The following DPP6 variants were observed in gnomAD, a reference collection of about 807,000 sequenced individuals.
DPP6 encodes the protein A-type potassium channel modulatory protein DPP6.
DPP6 carries 69 observed loss-of-function variants against 122.6 expected under a neutral mutation model. The ratio of observed to expected loss-of-function variants is 0.56; its 90% CI spans 0.46 to 0.69. The LOEUF is 0.69. Ranked by LOEUF, DPP6 falls within the 30% of genes least tolerant of loss-of-function variation. The probability of loss-of-function intolerance (pLI) is 0.00; values close to 1 mark genes in which losing one functional copy is unlikely to be tolerated. For missense variants in DPP6, 928 were observed against 1,116.9 expected, an observed-to-expected ratio of 0.83 and a Z score of 2.41; for synonymous variants, 418 against 433.1, an observed-to-expected ratio of 0.97 and a Z score of 0.43.
chr7:154,631,323 C>T (rs1835394853), intron 5 of DPP6, among the ~76,000 whole-genome samples: 1 of 152,242 alleles, frequency 6.6e-6, no homozygotes, highest in African/African-American at 2.4e-5. Flanking sequence ...GAAAGGGGAA[C>T]AGCTCCTGTT....
At chr7:153,969,014 T>C (rs1362091184) in intron 1 of DPP6, among the ~76,000 whole-genome samples, 1 of 151,368 alleles carries the variant, frequency 6.6e-6, no homozygotes, top group Admixed American at 6.6e-5. Context: ...TGGTGGACAT[T>C]GGGGTTCTTT....
At chr7:154,045,297 T>C (rs1799966227) in intron 1 of DPP6, among the ~76,000 whole-genome samples, 1 of 152,248 alleles carries the variant, frequency 6.6e-6, no homozygotes, top group Non-Finnish European at 1.5e-5. Context: ...TCCAATCCTT[T>C]AAATGTATAA....
chr7:153,860,695 C>G, the DPP6 span, among the ~76,000 whole-genome samples: 1 of 152,052 alleles, frequency 6.6e-6, no homozygotes, highest in Non-Finnish European at 1.5e-5. Flanking sequence ...TCCTTCACTT[C>G]CCAGTGTGAG....
rs1335297691 is a variant in DPP6 at position 154,254,588 on chromosome 7, T to C, written c.244-191626T>C. Among the ~76,000 whole-genome samples, 3 of 152,040 alleles carry C rather than the reference T, an allele frequency of 2.0e-5. No individual in the cohort carries two copies. In the East Asian group the frequency reaches 5.8e-4, roughly 30 times the overall value. ...GCCTCCTTGGGCTATTTTGTGTATG[T>C]AGTGGGGTGGGCAGTGGGCTTGGTT... On this transcript the variant is annotated intron_variant, in intron 1 of 25. Transcript: ENST00000377770.
At chr7:154,062,529 C>T (rs1224632248) in intron 1 of DPP6, among the ~76,000 whole-genome samples, 8 of 18,994 alleles carry the variant, frequency 4.2e-4, no homozygotes, top group Admixed American at 1.4e-3. Flanking sequence ...AGAGCTATCC[C>T]CTCTTCCGCC....
At chr7:153,928,831 A>T (rs1268852805) in intron 1 of DPP6, among the ~76,000 whole-genome samples, 2 of 152,102 alleles carry the variant, frequency 1.3e-5, no homozygotes, top group Non-Finnish European at 2.9e-5. Context: ...TTCAAAACCT[A>T]ATTAGAAGGG....
chr7:153,916,387 C>T (rs1800319565), intron 1 of DPP6, among the ~76,000 whole-genome samples: 2 of 136,268 alleles, frequency 1.5e-5, no homozygotes, highest in Admixed American at 7.4e-5. Context: ...CCCTCTCCTC[C>T]CCTCCCCTCT....
the DPP6 span, among the ~76,000 whole-genome samples, chr7:153,863,399 A>AAAC: frequency 1.1e-4 from 17 of 152,214 alleles, 1 homozygote; most frequent in Admixed American, 9.8e-4. Flanking sequence ...GACTTGTAGT[A>AAAC]AACAACAACA....
At position 154,453,591 on chromosome 7, in the gene DPP6, T is replaced by G. The variant is rs527852469; in HGVS notation, c.358+7263T>G. Reference sequence around the variant, plus strand: ...AATATAAACACATGTGAGTAAGCTATTGTTGAATTTTGATGAATTTTAAAA... The same window carrying G: ...AATATAAACACATGTGAGTAAGCTAGTGTTGAATTTTGATGAATTTTAAAA... On this transcript the variant is annotated intron_variant, in intron 2 of 25. Coordinates refer to ENST00000377770, the MANE Select transcript of DPP6 (RefSeq NM_130797.4). Among the ~76,000 whole-genome samples the G allele has an allele frequency of 2.0e-5, 3 of 151,298 alleles. No individual in the cohort carries two copies. In the East Asian group the frequency reaches 5.8e-4, roughly 29 times the overall value.
chr7:153,945,659 A>G (rs536003390), intron 1 of DPP6, among the ~76,000 whole-genome samples: 1 of 152,182 alleles, frequency 6.6e-6, no homozygotes, highest in African/African-American at 2.4e-5. Flanking sequence ...GGATACAAGT[A>G]AAGGTCTTAT....
At chr7:153,851,377 A>T in the DPP6 span, among the ~76,000 whole-genome samples, 3 of 152,074 alleles carry the variant, frequency 2.0e-5, no homozygotes, top group Non-Finnish European at 4.4e-5. Flanking sequence ...TCATTCCTGG[A>T]TGGTACCCTG....
rs1804792215 is a variant in DPP6 at position 154,875,744 on chromosome 7, G to A, written c.1884-162G>A. 6.6e-6 allele frequency among the ~76,000 whole-genome samples: 1 copy of A among 152,192 alleles called. No individual in the cohort carries two copies. The highest frequency in any genetic ancestry group is 2.4e-5 in the African/African-American group (1 of 41,436). ...ACTTTATGGGGTGTGGATAACACCT[G>A]GCTCACCTGCCCGGGGCAACAGAAT... is the stretch of plus-strand genomic sequence containing the variant. On this transcript the variant is annotated intron_variant, in intron 19 of 25. Coordinates refer to ENST00000377770, the MANE Select transcript of DPP6 (RefSeq NM_130797.4). This position sits in a 1 kb window ranked among gnomAD's most constrained non-coding sequence, Gnocchi z 4.5.
At chr7:153,754,803 C>CAT in the DPP6 span, among the ~76,000 whole-genome samples, 1 of 151,930 alleles carries the variant, frequency 6.6e-6, no homozygotes, top group Non-Finnish European at 1.5e-5. Flanking sequence ...GTTCTGCATT[C>CAT]TGTGGTTTGT....
intron 1 of DPP6, among the ~76,000 whole-genome samples, chr7:154,419,457 G>A (rs927437215): frequency 6.6e-6 from 1 of 152,198 alleles, no homozygotes; most frequent in South Asian, 2.1e-4. Context: ...CTTGAGAACA[G>A]AGCGTCCTTA....
chr7:154,597,077 C>A (rs1282453228), intron 5 of DPP6, among the ~76,000 whole-genome samples: 1 of 151,992 alleles, frequency 6.6e-6, no homozygotes, highest in African/African-American at 2.4e-5. Context: ...TACAAAAAAA[C>A]CTCAGGGCAG....
At chr7:154,086,617 AC>A (rs1804441185) in intron 1 of DPP6, among the ~76,000 whole-genome samples, 1 of 129,870 alleles carries the variant, frequency 7.7e-6, no homozygotes, top group Non-Finnish European at 1.6e-5. Context: ...CACAGAGCTT[AC>A]TCTTTTTTTT....
At chr7:153,962,364 G>A (rs556972936) in intron 1 of DPP6, among the ~76,000 whole-genome samples, 6 of 152,076 alleles carry the variant, frequency 3.9e-5, no homozygotes, top group South Asian at 2.1e-4. Flanking sequence ...TTCCTCCTTC[G>A]CTCCTGTGGT....
chr7:153,903,240 G>T (rs1046122542), intron 1 of DPP6, among the ~76,000 whole-genome samples: 3 of 152,208 alleles, frequency 2.0e-5, no homozygotes, highest in Middle Eastern at 3.2e-3. Context: ...GGGTTCTGCA[G>T]GATGTGGGAT....
chr7:153,928,396 A>ATGGTTT (rs1275067491), intron 1 of DPP6, among the ~76,000 whole-genome samples: 5 of 43,672 alleles, frequency 1.1e-4, no homozygotes, highest in African/African-American at 4.0e-4. Flanking sequence ...CTTTTCTTTC[A>ATGGTTT]TTTTTTTTTT....
Sources: allele counts gnomAD v4.1 joint callset (sites outside exome capture counted in the v4.1 genomes callset), GRCh38; gene constraint gnomAD v4.1.1; non-coding constraint Gnocchi (gnomAD v3.1); transcripts MANE v1.5; gene names NCBI Gene and HGNC (gene_info 2026-07-23, HGNC 2026-07-21).